The following KMT2B variants were observed in gnomAD, a reference collection of about 807,000 sequenced individuals.
KMT2B encodes the protein lysine methyltransferase 2B.
A neutral mutation model predicts 255.3 loss-of-function variants in KMT2B; 22 were observed. That is an observed-to-expected ratio of 0.09 (90% CI 0.06 to 0.12). The LOEUF is 0.12. Ranked by LOEUF, KMT2B falls within the 10% of genes least tolerant of loss-of-function variation. The pLI is 1.00. For synonymous variants in KMT2B, 1,730 were observed against 1,498.1 expected (o/e 1.15, Z -3.57); for missense variants, 3,149 against 3,737.0 (o/e 0.84, Z 4.10).
Position 35,718,449 on chromosome 19 carries a change from G to T in KMT2B, c.363+68G>T. 8.3e-7 allele frequency: 1 copy of T among 1,211,428 alleles called. No homozygotes were observed. The highest frequency in any genetic ancestry group is 1.0e-6 in the Non-Finnish European group (1 of 966,328). The allele number at this position is 1,211,428 out of a possible 1,614,324, so 75.0% of individuals were successfully genotyped here. A position where few individuals can be genotyped will look rare whatever the true frequency, so the allele number is the denominator to read the frequency against. On this transcript the variant is annotated intron_variant, in intron 1 of 36. Transcript: ENST00000420124. This position sits in a 1 kb window ranked among gnomAD's most constrained non-coding sequence, Gnocchi z 5.0. Reference sequence around the variant, plus strand: ...GCCGGGGCTTCCAGGGGTCTGGGTTGTCCCGGGGGCGGCGTGGGCAGGCCG... The same window carrying T: ...GCCGGGGCTTCCAGGGGTCTGGGTTTTCCCGGGGGCGGCGTGGGCAGGCCG...
chr19:35,733,363 C>T lies in KMT2B; in HGVS notation c.6814C>T (p.Pro2272Ser), dbSNP rs754903859. The change falls in exon 28 of 37, where the codon CCC (proline) becomes TCC (serine). Residue 2272 changes from proline (P) to serine (S), a missense_variant. Physicochemically the swap from Pro to Ser is moderately conservative, Grantham distance 74. Transcript: ENST00000420124. The surrounding 1 kb of genome is among the most constrained non-coding windows in gnomAD (Gnocchi z 4.3). ...LVLSSGPASPPRQAIRVKRVS... is the reference protein window; with the variant it reads ...LVLSSGPASPSRQAIRVKRVS... ...GCTGAGCAGTGGGCCAGCCAGCCCG[C>T]CCCGCCAGGCCATCCGCGTCAAGAG... The T allele has an allele frequency of 4.3e-5, 67 of 1,548,364 alleles. 1 individual carries two copies. In the South Asian group the frequency reaches 7.9e-4, roughly 18 times the overall value.
rs776173594 is a variant in KMT2B, at chr19:35,732,640, A to C, written c.6091A>C (p.Thr2031Pro). The C allele has an allele frequency of 1.9e-6, 3 of 1,609,102 alleles. No individual in the cohort carries two copies. The highest frequency in any genetic ancestry group is 1.7e-6 in the Non-Finnish European group (2 of 1,178,080). Residue 2031 changes from threonine (T) to proline (P), a missense_variant, in exon 28 of 37, where the codon ACC becomes CCC. By Grantham distance (38) the Thr-to-Pro change is conservative. Around this residue, in one of 18 missense-constraint regions of KMT2B, gnomAD observed 897 missense variants for 825.3 expected, o/e 1.09. Coordinates refer to ENST00000420124, the MANE Select transcript of KMT2B (RefSeq NM_014727.3). ...CAGCTCCGAGGAGGAGTCCAGCCCC[A>C]CCTCCCGCTACATCCACTTCCCTGT... The part of the protein sequence containing the change: ...GDSSEEESSP[T>P]SRYIHFPVTV...
chr19:35,729,798 A>G (rs1969619118), intron 22 of KMT2B, among the ~76,000 whole-genome samples, 169 bp from the exon 23 acceptor site: 1 of 152,244 alleles, frequency 6.6e-6, no homozygotes, highest in African/African-American at 2.4e-5. Flanking sequence ...AAAGAACCAG[A>G]GAGAGTTTGG....
rs368930687 is a variant in KMT2B, at chr19:35,722,365, C to T, written c.2464C>T (p.Pro822Ser). 4.4e-5 allele frequency: 70 copies of T among 1,608,984 alleles called. No homozygotes were observed. The highest frequency in any genetic ancestry group is 3.6e-4 in the African/African-American group (27 of 74,916). Reference protein sequence around the residue: ...QKVAASMPLSPGGQMEEVAGA... With the variant: ...QKVAASMPLSSGGQMEEVAGA... The stretch of plus-strand genomic sequence containing the variant: ...CCTGTTTATTCCCTGCCAGCTGAGC[C>T]CTGGAGGGCAGATGGAGGAGGTGGC... Residue 822 changes from proline (P) to serine (S), a missense_variant, in exon 4 of 37, where the codon CCT (proline) becomes TCT (serine). Physicochemically the swap from Pro to Ser is moderately conservative, Grantham distance 74 (BLOSUM62 -1). Coordinates refer to ENST00000420124, the MANE Select transcript of KMT2B (RefSeq NM_014727.3).
At chr19:35,729,557 C>G (rs868656636) in intron 22 of KMT2B, among the ~76,000 whole-genome samples, 1 of 152,146 alleles carries the variant, frequency 6.6e-6, no homozygotes, top group Non-Finnish European at 1.5e-5. Context: ...GCTTTCCATG[C>G]TGGGTGGCGT....
chr19:35,719,896 G>C lies in KMT2B; in HGVS notation c.549G>C (p.Glu183Asp), dbSNP rs759884653. The change falls in exon 3 of 37, where the codon GAG becomes GAC. Residue 183 changes from glutamate to aspartate, a missense_variant. Transcript: ENST00000420124. ...PPKTPARKRG[E>D]EGTERMVQAL... ...AGACCCCTGCCCGGAAACGGGGTGAGGAAGGCACAGAACGGATGGTGCAGG... is the reference window on the plus strand; with the variant it reads ...AGACCCCTGCCCGGAAACGGGGTGACGAAGGCACAGAACGGATGGTGCAGG... 6.2e-7 allele frequency: 1 copy of C among 1,613,446 alleles called. No homozygotes were observed. The highest frequency in any genetic ancestry group is 1.1e-5 in the South Asian group (1 of 91,074).
In KMT2B at chr19:35,727,600, G is replaced by A. The variant is rs1166786919; in HGVS notation, c.4280G>A (p.Gly1427Asp). Reference protein sequence around the residue: ...LQGLLSSKVVGPLLLCTQCGP... With the variant: ...LQGLLSSKVVDPLLLCTQCGP... ...GGCCTGCTGAGCTCCAAGGTGGTGG[G>A]CCCACTGCTGCTCTGCACCCAGGTC... The change falls in exon 16 of 37, where the codon GGC becomes GAC. Residue 1427 changes from glycine to aspartate, a missense_variant. Physicochemically the swap from Gly to Asp is moderately conservative, Grantham distance 94. Around this residue, in one of 18 missense-constraint regions of KMT2B, gnomAD observed 377 missense variants for 471.0 expected, o/e 0.80. Coordinates refer to ENST00000420124, the MANE Select transcript of KMT2B (RefSeq NM_014727.3). This position sits in a 1 kb window ranked among gnomAD's most constrained non-coding sequence, Gnocchi z 4.2. 1.9e-6 allele frequency: 3 copies of A among 1,606,248 alleles called. No individual in the cohort carries two copies. In the East Asian group the frequency reaches 6.7e-5, roughly 36 times the overall value.
chr19:35,718,379 GA>G lies in KMT2B; in HGVS notation c.362del (p.Glu121GlyfsTer46). ...GAGCAGTGACGGGGAATCCGACGAG[GA>G]GGTGAGGCGGTTGGAGGCGTCCCCG... ...EESSDGESDEEEFQGFHSDED... is the reference protein window; with the variant it reads ...EESSDGESDEXEFQGFHSDED... On this transcript the variant is annotated frameshift_variant and splice_region_variant, in exon 1 of 37. Coordinates refer to ENST00000420124, the MANE Select transcript of KMT2B (RefSeq NM_014727.3). LOFTEE classifies it high-confidence loss of function. This position sits in a 1 kb window ranked among gnomAD's most constrained non-coding sequence, Gnocchi z 5.0. 7.9e-7 allele frequency: 1 copy of G among 1,269,860 alleles called. No individual in the cohort carries two copies. The highest frequency in any genetic ancestry group is 3.7e-5 in the Admixed American group (1 of 27,366). The allele number at this position is 1,269,860 out of a possible 1,614,324, so 78.7% of individuals were successfully genotyped here. A position where few individuals can be genotyped will look rare whatever the true frequency, so the allele number is the denominator to read the frequency against.
intron 30 of KMT2B, among the ~76,000 whole-genome samples, chr19:35,734,705 G>C (rs1038305276): frequency 7.9e-5 from 12 of 152,212 alleles, no homozygotes; most frequent in African/African-American, 2.9e-4. Context: ...CCTTGAAGCT[G>C]GCGGTGGAGT....
At position 35,727,504 on chromosome 19, in the gene KMT2B, G is replaced by C. The variant is rs754316086; in HGVS notation, c.4184G>C (p.Gly1395Ala). The stretch of plus-strand genomic sequence containing the variant: ...CTGTACACCTGCGGACCGTGTGCTG[G>C]GGCAGCGCAGCCCCGCTGGCGAGAG... ...SVLYTCGPCA[G>A]AAQPRWREAL... Residue 1395 changes from glycine (G) to alanine (A), a missense_variant, in exon 16 of 37, where the codon GGG becomes GCG. This residue lies in a region of KMT2B where 377 missense variants were observed against 471.0 expected (regional missense o/e 0.80). Coordinates refer to ENST00000420124, the MANE Select transcript of KMT2B (RefSeq NM_014727.3). This position sits in a 1 kb window ranked among gnomAD's most constrained non-coding sequence, Gnocchi z 4.2. 30 of 1,611,380 alleles carry C rather than the reference G, an allele frequency of 1.9e-5. No individual in the cohort carries two copies. The highest frequency in any genetic ancestry group is 2.5e-5 in the Non-Finnish European group (30 of 1,179,830).
At position 35,720,241 on chromosome 19, in the gene KMT2B, T is replaced by C. The variant is rs769782170; in HGVS notation, c.894T>C (p.Gly298=). The change falls in exon 3 of 37, where the codon GGT becomes GGC. Residue 298 remains glycine, a synonymous_variant. Coordinates refer to ENST00000420124, the MANE Select transcript of KMT2B (RefSeq NM_014727.3). ...GTGGAGGCAGGGGCCGCGGCCGAGG[T>C]GGTGGGCTCCCCTTTGTGATCAAGT... ...GGRGGRGRGR[G]GGLPFVIKFV... 1 of 1,608,212 alleles carries C rather than the reference T, an allele frequency of 6.2e-7. No individual in the cohort carries two copies. The highest frequency in any genetic ancestry group is 8.5e-7 in the Non-Finnish European group (1 of 1,177,854).
At position 35,722,639 on chromosome 19, in the gene KMT2B, G is replaced by A; in HGVS notation, c.2643G>A (p.Gln881=). The stretch of plus-strand genomic sequence containing the variant: ...GTCATGCTGCTGTGGCCCTGGGTCA[G>A]GCCCGGGCCATGGTGCCTGAAGATG... ...VCRHAAVALG[Q]ARAMVPEDVP... is the part of the protein sequence containing the mutation. The change falls in exon 5 of 37, where the codon CAG becomes CAA. Residue 881 remains glutamine, a synonymous_variant. Coordinates refer to ENST00000420124, the MANE Select transcript of KMT2B (RefSeq NM_014727.3). The A allele has an allele frequency of 6.2e-7, 1 of 1,612,902 alleles. No homozygotes were observed. The highest frequency in any genetic ancestry group is 8.5e-7 in the Non-Finnish European group (1 of 1,179,658).
chr19:35,718,123 A>T lies in KMT2B; in HGVS notation c.105A>T (p.Gly35=). ...RGAGGGGGRG[G]RGNGAERVRV... ...CCGGCGGGGGCGGGGGCCGCGGCGG[A>T]CGGGGCAACGGGGCCGAAAGAGTGC... The change falls in exon 1 of 37, where the codon GGA becomes GGT. Residue 35 remains glycine (G), a synonymous_variant. Coordinates refer to ENST00000420124, the MANE Select transcript of KMT2B (RefSeq NM_014727.3). The surrounding 1 kb of genome is among the most constrained non-coding windows in gnomAD (Gnocchi z 5.0). 1 of 1,010,328 alleles carries T rather than the reference A, an allele frequency of 9.9e-7. No individual in the cohort carries two copies. The highest frequency in any genetic ancestry group is 9.9e-5 in the East Asian group (1 of 10,112). 62.6% of individuals were successfully genotyped at this position (1,010,328 alleles called of 1,614,324 possible).
intron 22 of KMT2B, 137 bp from the exon 23 acceptor site, chr19:35,729,830 G>A (rs771938296): frequency 4.6e-4 from 365 of 794,110 alleles, no homozygotes; most frequent in Non-Finnish European, 6.2e-4. Flanking sequence ...GCCTGGATGC[G>A]GCTGGGGAGA....
chr19:35,718,098 C>T lies in KMT2B; in HGVS notation c.80C>T (p.Ala27Val), dbSNP rs1438706284. The T allele has an allele frequency of 1.2e-5, 12 of 989,988 alleles. 1 individual carries two copies. In the Admixed American group the frequency reaches 1.9e-4, roughly 15 times the overall value. 61.3% of individuals were successfully genotyped at this position (989,988 alleles called of 1,614,324 possible). A position where few individuals can be genotyped will look rare whatever the true frequency, so the allele number is the denominator to read the frequency against. ...CGCTTCCCGGGCCGGCCGCGGGGCG[C>T]CGGCGGGGGCGGGGGCCGCGGCGGA... The part of the protein sequence containing the change: ...RGRFPGRPRG[A>V]GGGGGRGGRG... The change falls in exon 1 of 37, where the codon GCC becomes GTC. Residue 27 changes from alanine (A) to valine (V), a missense_variant. Around this residue, in one of 18 missense-constraint regions of KMT2B, gnomAD observed 10 missense variants for 26.9 expected, o/e 0.37. Transcript: ENST00000420124. This position sits in a 1 kb window ranked among gnomAD's most constrained non-coding sequence, Gnocchi z 5.0.
chr19:35,733,636 G>T lies in KMT2B; in HGVS notation c.6999G>T (p.Gly2333=). 6.3e-7 allele frequency: 1 copy of T among 1,596,670 alleles called. No individual in the cohort carries two copies. Among genetic ancestry groups the T allele is most frequent in the Non-Finnish European group, 8.5e-7 (1 of 1,172,090 alleles). Residue 2333 remains glycine (G), a synonymous_variant, in exon 29 of 37, where the codon GGG becomes GGT. Coordinates refer to ENST00000420124, the MANE Select transcript of KMT2B (RefSeq NM_014727.3). The surrounding 1 kb of genome is among the most constrained non-coding windows in gnomAD (Gnocchi z 4.3). ...RVRMKTPTVR[G]VLDLDRPGEP... is the part of the protein sequence containing the mutation. ...GGATGAAAACCCCCACAGTGCGTGGGGTCCTTGACCTGGATCGGCCTGGGG... is the reference window on the plus strand; with the variant it reads ...GGATGAAAACCCCCACAGTGCGTGGTGTCCTTGACCTGGATCGGCCTGGGG...
chr19:35,728,200 G>A (rs867622950), intron 19 of KMT2B, 29 bp downstream of exon 19: 1 of 1,558,470 alleles, frequency 6.4e-7, no homozygotes, highest in Middle Eastern at 2.0e-4. Context: ...CAGAAGGGAA[G>A]CCGGGGAGTG....
chr19:35,724,801 C>A, intron 9 of KMT2B, 70 bp downstream of exon 9: 1 of 1,375,384 alleles, frequency 7.3e-7, no homozygotes, highest in Non-Finnish European at 1.0e-6. Flanking sequence ...GACAGACACA[C>A]CTGAGTGTCG....
Position 35,730,471 on chromosome 19 carries a change from C to T in KMT2B, c.5197+9C>T. On this transcript the variant is annotated intron_variant, in intron 24 of 36. Transcript: ENST00000420124. ...CATCAACGTGCTCATTGGTAAGCTG[C>T]CTGCTCTCCGCCCTGTCCTCCTACC... 1 of 1,613,914 alleles carries T rather than the reference C, an allele frequency of 6.2e-7. No individual in the cohort carries two copies. Among genetic ancestry groups the T allele is most frequent in the South Asian group, 1.1e-5 (1 of 91,082 alleles).
Sources: gnomAD v4.1 joint callset for allele counts (sites outside exome capture counted in the v4.1 genomes callset) on GRCh38, gnomAD v4.1.1 for gene constraint, gnomAD v4.1.1 regional missense constraint, Gnocchi (gnomAD v3.1) non-coding constraint, MANE v1.5 for transcripts, NCBI Gene and HGNC (gene_info 2026-07-23, HGNC 2026-07-21) for gene names.